MECOM: variants seen among roughly 807,000 people sequenced by gnomAD.
MECOM encodes the protein MDS1 and EVI1 complex locus, also known as histone-lysine N-methyltransferase MECOM.
In MECOM, 13 loss-of-function variants were observed where a neutral mutation model predicts 116.3. The observed-to-expected ratio is 0.11, with a 90% CI of 0.07 to 0.18. The LOEUF is 0.18. Among genes scored for constraint, MECOM ranks in the 10% least tolerant of loss-of-function variants. The pLI is 1.00. For missense variants in MECOM, 1,299 were observed against 1,509.0 expected (o/e 0.86, Z 2.31); for synonymous variants, 528 against 535.2 (o/e 0.99, Z 0.19).
intron 12 of MECOM, among the ~76,000 whole-genome samples, chr3:169,096,061 A>G (rs1400046954): frequency 6.6e-6 from 1 of 152,106 alleles, no homozygotes; most frequent in Non-Finnish European, 1.5e-5. Context: ...ATTATTTTTA[A>G]AGTTTTCCTT....
chr3:169,286,531 T>A (rs1295952907), intron 2 of MECOM, among the ~76,000 whole-genome samples: 1 of 152,174 alleles, frequency 6.6e-6, no homozygotes, highest in Non-Finnish European at 1.5e-5. Flanking sequence ...TCTTCCACGG[T>A]TGACAACGCT....
chr3:169,502,083 T>C (rs562420038), intron 1 of MECOM, among the ~76,000 whole-genome samples: 31 of 152,252 alleles, frequency 2.0e-4, no homozygotes, highest in African/African-American at 7.2e-4. Context: ...ATCCTCATTG[T>C]AGTTATTGTT....
chr3:169,403,672 G>A (rs933430379), intron 1 of MECOM, among the ~76,000 whole-genome samples: 5 of 152,174 alleles, frequency 3.3e-5, no homozygotes, highest in African/African-American at 1.2e-4. Flanking sequence ...GGGAGGGCTT[G>A]TGTTTACCAC....
At chr3:169,497,054 C>T (rs79864007) in intron 1 of MECOM, among the ~76,000 whole-genome samples, 3,843 of 152,246 alleles carry the variant, frequency 0.025, 154 homozygotes, top group African/African-American at 0.088. Context: ...AAATTCATAA[C>T]ACATTAAAAT....
intron 5 of MECOM, 105 bp from the exon 6 acceptor site, chr3:169,122,832 G>T: frequency 3.1e-6 from 4 of 1,282,610 alleles, no homozygotes; most frequent in Non-Finnish European, 4.3e-6. Context: ...GAAGGAAAAG[G>T]AGTTGAACTG....
chr3:169,643,038 G>A (rs1042299499), intron 1 of MECOM, among the ~76,000 whole-genome samples: 1 of 152,062 alleles, frequency 6.6e-6, no homozygotes, highest in Non-Finnish European at 1.5e-5. Context: ...GGCTGCAAAG[G>A]AGAGCAAAAA....
chr3:169,456,413 A>G (rs1431092304), intron 1 of MECOM, among the ~76,000 whole-genome samples: 1 of 152,204 alleles, frequency 6.6e-6, no homozygotes, highest in Non-Finnish European at 1.5e-5. Flanking sequence ...ATCATTATAT[A>G]TTCACCAAGT....
chr3:169,302,223 G>A (rs1490175931), intron 2 of MECOM, among the ~76,000 whole-genome samples: 2 of 152,212 alleles, frequency 1.3e-5, no homozygotes, highest in African/African-American at 4.8e-5. Context: ...CATGTATCAA[G>A]TCCTGTTAGA....
At chr3:169,290,407 G>A (rs1714289669) in intron 2 of MECOM, among the ~76,000 whole-genome samples, 2 of 152,054 alleles carry the variant, frequency 1.3e-5, no homozygotes, top group South Asian at 2.1e-4. Flanking sequence ...AATATTTCAT[G>A]AATTGCTCTA....
At chr3:169,559,705 A>G (rs565431010) in intron 1 of MECOM, among the ~76,000 whole-genome samples, 1 of 152,326 alleles carries the variant, frequency 6.6e-6, no homozygotes, top group South Asian at 2.1e-4. Context: ...GAATTTAAGT[A>G]ACGTAAGTGC....
At chr3:169,389,074 G>A (rs2108323742) in intron 1 of MECOM, among the ~76,000 whole-genome samples, 1 of 152,204 alleles carries the variant, frequency 6.6e-6, no homozygotes, top group African/African-American at 2.4e-5. Context: ...CATGTCCTGT[G>A]GCTTTTAAAT....
At chr3:169,185,329 G>A (rs1340009181) in intron 2 of MECOM, among the ~76,000 whole-genome samples, 1 of 152,070 alleles carries the variant, frequency 6.6e-6, no homozygotes, top group Non-Finnish European at 1.5e-5. Context: ...AGAAGTGAAT[G>A]AACCGTGGTC....
chr3:169,494,563 T>A (rs974643022), intron 1 of MECOM, among the ~76,000 whole-genome samples: 1 of 152,218 alleles, frequency 6.6e-6, no homozygotes, highest in Non-Finnish European at 1.5e-5. Context: ...AATGGCCAAC[T>A]AATCAAAACA....
At chr3:169,286,824 C>T (rs959664498) in intron 2 of MECOM, among the ~76,000 whole-genome samples, 7 of 152,250 alleles carry the variant, frequency 4.6e-5, no homozygotes, top group South Asian at 4.2e-4. Context: ...GCAATTCCAA[C>T]GCCCCGAGAA....
At chr3:169,144,991 A>G (rs764157827) in intron 2 of MECOM, 1 of 1,562,938 alleles carries the variant, frequency 6.4e-7, no homozygotes, top group Admixed American at 1.9e-5. Flanking sequence ...CAAGTCATTA[A>G]CTCACCATAT....
At chr3:169,477,163 T>C (rs1750626662) in intron 1 of MECOM, 2 of 113,624 alleles carry the variant, frequency 1.8e-5, no homozygotes, top group Non-Finnish European at 1.8e-5. Flanking sequence ...ACACACACAA[T>C]TTCATTTGCA....
chr3:169,335,549 T>C (rs1390837182), intron 2 of MECOM, among the ~76,000 whole-genome samples: 1 of 152,120 alleles, frequency 6.6e-6, no homozygotes, highest in Non-Finnish European at 1.5e-5. Flanking sequence ...GAGAAGACAT[T>C]TGAATATTCC....
intron 2 of MECOM, among the ~76,000 whole-genome samples, chr3:169,272,215 A>G (rs746044156): frequency 3.9e-5 from 6 of 152,152 alleles, no homozygotes; most frequent in Non-Finnish European, 8.8e-5. Context: ...CTCTCCTGAG[A>G]CTCATGAAAG....
chr3:169,486,029 A>ACATATATATAC (rs1752325351), intron 1 of MECOM, among the ~76,000 whole-genome samples: 4 of 115,762 alleles, frequency 3.5e-5, no homozygotes, highest in Admixed American at 9.0e-5. Flanking sequence ...TATATATAGT[A>ACATATATATAC]TATATATATA....
Sources: allele counts gnomAD v4.1 joint callset (sites outside exome capture counted in the v4.1 genomes callset), GRCh38; gene constraint gnomAD v4.1.1; transcripts MANE v1.5; gene names NCBI Gene and HGNC (gene_info 2026-07-23, HGNC 2026-07-21).